SLC16A1: variants seen among roughly 807,000 people sequenced by gnomAD.
SLC16A1 encodes monocarboxylate transporter 1.
SLC16A1 carries 11 observed loss-of-function variants against 32.2 expected under a neutral mutation model. The observed-to-expected ratio is 0.34, with a 90% CI of 0.21 to 0.56. The LOEUF (loss-of-function observed/expected upper bound fraction) is 0.56, where lower values mean the gene tolerates loss of function less well. Among genes scored for constraint, SLC16A1 ranks in the 20% least tolerant of loss-of-function variants. SLC16A1 has a pLI of 0.87. For missense variants in SLC16A1, 435 were observed against 615.0 expected (o/e 0.71, Z 3.10); for synonymous variants, 231 against 226.8 (o/e 1.02, Z -0.17).
intron 1 of SLC16A1, among the ~76,000 whole-genome samples, chr1:112,944,578 GTTAT>G (rs1320616487): frequency 3.3e-5 from 5 of 152,224 alleles, no homozygotes; most frequent in South Asian, 4.1e-4. Context: ...CTCATTTAAA[GTTAT>G]TTATGTTTTG....
chr1:112,954,642 A>T (rs1345972090), intron 1 of SLC16A1, among the ~76,000 whole-genome samples: 1 of 152,242 alleles, frequency 6.6e-6, no homozygotes, highest in Non-Finnish European at 1.5e-5. Context: ...CTTCAAATCT[A>T]TTCAGCTATA....
At chr1:112,949,635 T>C (rs1377672171) in intron 1 of SLC16A1, among the ~76,000 whole-genome samples, 1 of 152,184 alleles carries the variant, frequency 6.6e-6, no homozygotes, top group Non-Finnish European at 1.5e-5. Context: ...CAGGGATTCC[T>C]TTGGCCATTT....
At chr1:112,936,502 AAAG>A (rs1649314453) in intron 1 of SLC16A1, among the ~76,000 whole-genome samples, 2 of 151,544 alleles carry the variant, frequency 1.3e-5, no homozygotes, top group Admixed American at 6.6e-5. Flanking sequence ...AAAAAAAAAA[AAAG>A]GAGAAGGCAG....
chr1:112,948,438 A>G lies in SLC16A1; in HGVS notation c.-45+7597T>C, dbSNP rs573513654. On this transcript the variant is annotated intron_variant, in intron 1 of 4. Coordinates refer to ENST00000369626, the MANE Select transcript of SLC16A1 (RefSeq NM_003051.4). Reference sequence around the variant, plus strand: ...AATCTTAGACTATGCTGCCATTAAGATAATTGTCAGTTATTTTATTAGAAA... The same window carrying G: ...AATCTTAGACTATGCTGCCATTAAGGTAATTGTCAGTTATTTTATTAGAAA... Among the ~76,000 whole-genome samples, 141 of 152,278 alleles carry G rather than the reference A, an allele frequency of 9.3e-4. 3 individuals carry two copies. In the South Asian group the frequency reaches 0.028, roughly 31 times the overall value.
chr1:112,924,469 T>A, intron 2 of SLC16A1: 1 of 736,008 alleles, frequency 1.4e-6, no homozygotes, highest in South Asian at 1.7e-5. Context: ...AACCTAACAG[T>A]AAAGTCACCA....
intron 1 of SLC16A1, among the ~76,000 whole-genome samples, chr1:112,949,328 C>A (rs1261539774): frequency 6.6e-6 from 1 of 152,206 alleles, no homozygotes; most frequent in Non-Finnish European, 1.5e-5. Context: ...GGATTACAGG[C>A]GTGAGCCACT....
At chr1:112,918,328 A>C (rs2101622484) in intron 3 of SLC16A1, among the ~76,000 whole-genome samples, 1 of 152,304 alleles carries the variant, frequency 6.6e-6, no homozygotes. Context: ...TTTGTTAAGC[A>C]CTTAGTACCC....
intron 1 of SLC16A1, among the ~76,000 whole-genome samples, chr1:112,937,026 T>C (rs758227741): frequency 6.6e-6 from 1 of 152,228 alleles, no homozygotes; most frequent in Non-Finnish European, 1.5e-5. Context: ...TAAAATGATG[T>C]TAAATAAAAC....
At position 112,913,986 on chromosome 1, in the gene SLC16A1, C is replaced by T; in HGVS notation, c.1408G>A (p.Val470Ile). The T allele has an allele frequency of 6.2e-7, 1 of 1,614,168 alleles. No individual in the cohort carries two copies. Among genetic ancestry groups the T allele is most frequent in the Admixed American group, 1.7e-5 (1 of 60,022 alleles). ...GTAACTTCATTTGGCTTCCCAGCAA[C>T]ATCTATACTGGTCTCTTCCTCTTTA... ...ESKEEETSID[V>I]AGKPNEVTKA... The change falls in exon 5 of 5, where the codon GTT becomes ATT. Residue 470 changes from valine to isoleucine, a missense_variant. Val to Ile is a conservative substitution (Grantham distance 29, BLOSUM62 3). Coordinates refer to ENST00000369626, the MANE Select transcript of SLC16A1 (RefSeq NM_003051.4).
chr1:112,951,869 A>T (rs1043630291), intron 1 of SLC16A1, among the ~76,000 whole-genome samples: 2 of 152,216 alleles, frequency 1.3e-5, no homozygotes, highest in African/African-American at 4.8e-5. Context: ...TTCCTATTCA[A>T]ACTGTACCTC....
intron 1 of SLC16A1, among the ~76,000 whole-genome samples, chr1:112,940,746 GCA>G (rs1649479222): frequency 6.6e-6 from 1 of 152,054 alleles, no homozygotes; most frequent in African/African-American, 2.4e-5. Context: ...TAAAAAGTAT[GCA>G]CATACTTCTT....
Position 112,913,651 on chromosome 1 carries a change from TAAAAC to T in SLC16A1, c.*235_*239del, listed in dbSNP as rs1648398788. ...TTATGACACTATTAAAAGCTAAGAT[TAAAAC>T]AAAACAAAACAGAACCTACTTCTTT... On this transcript the variant is annotated 3_prime_UTR_variant, in exon 5 of 5. Coordinates refer to ENST00000369626, the MANE Select transcript of SLC16A1 (RefSeq NM_003051.4). 1.4e-5 allele frequency: 8 copies of T among 560,584 alleles called. No homozygotes were observed. The highest frequency in any genetic ancestry group is 1.9e-5 in the Non-Finnish European group (6 of 313,660). 34.7% of individuals were successfully genotyped at this position (560,584 alleles called of 1,614,324 possible). A position where few individuals can be genotyped will look rare whatever the true frequency, so the allele number is the denominator to read the frequency against.
At chr1:112,924,236 G>C in intron 2 of SLC16A1, 1 of 1,513,034 alleles carries the variant, frequency 6.6e-7, no homozygotes, top group South Asian at 1.1e-5. Context: ...AGCAGTTGGA[G>C]CAGAACTTGG....
chr1:112,936,687 A>ATG (rs1649321535), intron 1 of SLC16A1, among the ~76,000 whole-genome samples: 1 of 152,112 alleles, frequency 6.6e-6, no homozygotes, highest in Non-Finnish European at 1.5e-5. Context: ...AATGGGATGA[A>ATG]TAAGAGATAC....
At chr1:112,924,064 A>G in intron 2 of SLC16A1, 2 of 1,294,382 alleles carry the variant, frequency 1.5e-6, no homozygotes, top group Non-Finnish European at 2.2e-6. Context: ...TTCTGGAAGA[A>G]GCACCACTTC....
At position 112,918,106 on chromosome 1, in the gene SLC16A1, A is replaced by G. The variant is rs941222403; in HGVS notation, c.362-62T>C. ...TAAATAAATAAATAAATAAATAATA[A>G]GAGGTATAAATAATGGAAGGAATAG... On this transcript the variant is annotated intron_variant, in intron 3 of 4. Coordinates refer to ENST00000369626, the MANE Select transcript of SLC16A1 (RefSeq NM_003051.4). 3.6e-6 allele frequency: 4 copies of G among 1,109,870 alleles called. No homozygotes were observed. The African/African-American group carries it at 4.9e-5, about 14-fold the overall frequency. The allele number at this position is 1,109,870 out of a possible 1,614,324, so 68.8% of individuals were successfully genotyped here. A position where few individuals can be genotyped will look rare whatever the true frequency, so the allele number is the denominator to read the frequency against.
At chr1:112,939,127 G>A (rs1288509241) in intron 1 of SLC16A1, among the ~76,000 whole-genome samples, 3 of 151,204 alleles carry the variant, frequency 2.0e-5, no homozygotes, top group African/African-American at 7.3e-5. Flanking sequence ...TCCTGACCTC[G>A]TGATCCACCC....
chr1:112,948,590 G>A (rs1379712054), intron 1 of SLC16A1, among the ~76,000 whole-genome samples: 4 of 151,308 alleles, frequency 2.6e-5, no homozygotes, highest in East Asian at 1.9e-4. Flanking sequence ...TGCAACCTCC[G>A]TCTCCCGGGT....
Position 112,936,789 on chromosome 1 carries a change from T to C in SLC16A1, c.-44-7437A>G, listed in dbSNP as rs1399806165. 2.0e-5 allele frequency among the ~76,000 whole-genome samples: 3 copies of C among 152,316 alleles called. No homozygotes were observed. In the East Asian group the frequency reaches 5.8e-4, roughly 29 times the overall value. On this transcript the variant is annotated intron_variant, in intron 1 of 4. Transcript: ENST00000369626. ...TCAGGCATCCATTCTCAAGAGGTAA[T>C]TTTTAGCTAAGGTTATCTCTCAACC... is the stretch of plus-strand genomic sequence containing the variant.
Sources: gnomAD v4.1 joint callset for allele counts (sites outside exome capture counted in the v4.1 genomes callset) on GRCh38, gnomAD v4.1.1 for gene constraint, MANE v1.5 for transcripts, NCBI Gene and HGNC (gene_info 2026-07-23, HGNC 2026-07-21) for gene names.